The following SHISA6 variants were observed in gnomAD, a reference collection of about 807,000 sequenced individuals.
The protein encoded by SHISA6 is protein shisa-6.
In SHISA6, 22 loss-of-function variants were observed where a neutral mutation model predicts 47.9. The ratio of observed to expected loss-of-function variants is 0.46; its 90% CI spans 0.33 to 0.66. The LOEUF (loss-of-function observed/expected upper bound fraction) is 0.66, where lower values mean the gene tolerates loss of function less well. Among genes scored for constraint, SHISA6 ranks in the 30% least tolerant of loss-of-function variants. The pLI, the probability that SHISA6 is intolerant of heterozygous loss-of-function variation, is 0.02. For synonymous variants in SHISA6, 388 were observed against 337.8 expected (o/e 1.15, Z -1.63); for missense variants, 680 against 764.6 (o/e 0.89, Z 1.30).
chr17:11,401,704 C>T (rs1473501653), intron 3 of SHISA6, among the ~76,000 whole-genome samples: 1 of 152,110 alleles, frequency 6.6e-6, no homozygotes, highest in Non-Finnish European at 1.5e-5. Flanking sequence ...AGTTTATAGC[C>T]GATATGGACA....
intron 3 of SHISA6, among the ~76,000 whole-genome samples, chr17:11,518,377 TTTTGC>T (rs2071602348): frequency 6.6e-6 from 1 of 152,142 alleles, no homozygotes; most frequent in African/African-American, 2.4e-5. Flanking sequence ...ATGATAGTTT[TTTTGC>T]TTTGTTTTGT....
At position 11,241,900 on chromosome 17, in the gene SHISA6, T is replaced by G; in HGVS notation, c.478T>G (p.Ser160Ala). The G allele has an allele frequency of 6.4e-7, 1 of 1,551,002 alleles. No individual in the cohort carries two copies. The highest frequency in any genetic ancestry group is 8.7e-7 in the Non-Finnish European group (1 of 1,146,988). ...ACAGACGCCCAGCACCAAGGTGGTG[T>G]CGCCGGGGCCCGAGAACAAGTACGA... is the stretch of plus-strand genomic sequence containing the variant. ...WVQTPSTKVV[S>A]PGPENKYDPE... Residue 160 changes from serine to alanine, a missense_variant, in exon 1 of 6, where the codon TCG becomes GCG. By Grantham distance (99) the Ser-to-Ala change is moderately conservative. Transcript: ENST00000441885. The surrounding 1 kb of genome is among the most constrained non-coding windows in gnomAD (Gnocchi z 5.5).
At chr17:11,340,800 A>G (rs1035321775) in intron 2 of SHISA6, among the ~76,000 whole-genome samples, 3 of 152,242 alleles carry the variant, frequency 2.0e-5, no homozygotes, top group Non-Finnish European at 4.4e-5. Flanking sequence ...GCACTGAACT[A>G]GAATAGTGGA....
chr17:11,502,357 T>G (rs2071461030), intron 3 of SHISA6, among the ~76,000 whole-genome samples: 2 of 126,898 alleles, frequency 1.6e-5, no homozygotes, highest in African/African-American at 6.2e-5. Flanking sequence ...TGCAGTGAGC[T>G]GAGATCGCGC....
In SHISA6 at chr17:11,555,857, C is replaced by G. The variant is rs936371622; in HGVS notation, c.1070C>G (p.Thr357Ser). The change falls in exon 5 of 6, where the codon ACC becomes AGC. Residue 357 changes from threonine (T) to serine (S), a missense_variant. Thr to Ser is a moderately conservative substitution (Grantham distance 58). Transcript: ENST00000441885. ...LPPSYESAVK[T>S]NPSKYSSLKR... ...CCATCCTACGAGTCTGCAGTAAAGACCAACCCCAGCAAGTATTCATCTCTG... is the reference window on the plus strand; with the variant it reads ...CCATCCTACGAGTCTGCAGTAAAGAGCAACCCCAGCAAGTATTCATCTCTG... 5.0e-5 allele frequency: 78 copies of G among 1,549,418 alleles called. No homozygotes were observed. Among genetic ancestry groups the G allele is most frequent in the Non-Finnish European group, 6.6e-5 (76 of 1,146,290 alleles).
intron 3 of SHISA6, among the ~76,000 whole-genome samples, chr17:11,439,275 T>G (rs1915034924): frequency 6.6e-6 from 1 of 152,168 alleles, no homozygotes. Flanking sequence ...GTCGGAGGAC[T>G]CTGGGTGGGT....
At chr17:11,326,034 G>C (rs1161864160) in intron 2 of SHISA6, among the ~76,000 whole-genome samples, 2 of 152,222 alleles carry the variant, frequency 1.3e-5, no homozygotes, top group African/African-American at 2.4e-5. Flanking sequence ...AGTTTGGGAG[G>C]CCAAGGCCGG....
At chr17:11,358,779 C>A (rs1912162942) in intron 2 of SHISA6, among the ~76,000 whole-genome samples, 2 of 151,596 alleles carry the variant, frequency 1.3e-5, no homozygotes, top group Non-Finnish European at 2.9e-5. Context: ...CCAGGTGATT[C>A]TCCAGCTTCA....
chr17:11,380,249 C>CAAA (rs1202257006), intron 3 of SHISA6: 2 of 152,148 alleles, frequency 1.3e-5, no homozygotes, highest in African/African-American at 2.4e-5. Flanking sequence ...AATGTGAATT[C>CAAA]TGTTGTAGGG....
intron 2 of SHISA6, among the ~76,000 whole-genome samples, chr17:11,327,921 G>GTC (rs111745061): frequency 2.5e-4 from 38 of 149,822 alleles, no homozygotes; most frequent in South Asian, 1.1e-3. Flanking sequence ...CTCTCTCTCT[G>GTC]TCTCTCTCTC....
chr17:11,266,776 G>A (rs191972101), intron 2 of SHISA6, among the ~76,000 whole-genome samples: 2 of 152,340 alleles, frequency 1.3e-5, no homozygotes, highest in African/African-American at 2.4e-5. Context: ...ACCAGGCAGG[G>A]CCCATGGGAT....
intron 2 of SHISA6, among the ~76,000 whole-genome samples, chr17:11,357,934 A>G (rs1194379491): frequency 6.6e-6 from 1 of 152,148 alleles, no homozygotes; most frequent in Non-Finnish European, 1.5e-5. Context: ...GTTAATGTCC[A>G]TGGCCTGGTT....
In SHISA6 at chr17:11,526,804, G is replaced by GTA. The variant is rs113091747; in HGVS notation, c.896-25090_896-25089dup. 7.1e-3 allele frequency among the ~76,000 whole-genome samples: 1,051 copies of GTA among 148,290 alleles called. 17 individuals are homozygous for GTA. The highest frequency in any genetic ancestry group is 0.025 in the African/African-American group (1,015 of 40,058). On this transcript the variant is annotated intron_variant, in intron 3 of 5. Transcript: ENST00000441885. ...AGCTTTTTGTTTTTATAATTATTTT[G>GTA]TATTCATACATATACAATATTTGTA...
chr17:11,459,116 G>C (rs1915632828), intron 3 of SHISA6, among the ~76,000 whole-genome samples: 1 of 150,808 alleles, frequency 6.6e-6, no homozygotes, highest in South Asian at 2.1e-4. Flanking sequence ...CTACTCGGGA[G>C]ACTGAGGCAG....
At chr17:11,326,562 T>C (rs1435100214) in intron 2 of SHISA6, among the ~76,000 whole-genome samples, 2 of 152,236 alleles carry the variant, frequency 1.3e-5, no homozygotes, top group Non-Finnish European at 2.9e-5. Context: ...CCATTCATAA[T>C]GACATGGCAC....
At chr17:11,267,933 C>T (rs1908487333) in intron 2 of SHISA6, among the ~76,000 whole-genome samples, 2 of 152,120 alleles carry the variant, frequency 1.3e-5, no homozygotes. Flanking sequence ...CCTAGCGTTG[C>T]AGTTCCCTGA....
intron 2 of SHISA6, among the ~76,000 whole-genome samples, chr17:11,358,712 G>A (rs1459269583): frequency 6.7e-6 from 1 of 149,852 alleles, no homozygotes; most frequent in Non-Finnish European, 1.5e-5. Flanking sequence ...TGTCCAGGCT[G>A]GAGTGCAGTG....
At chr17:11,243,632 G>T (rs1190140993) in intron 1 of SHISA6, among the ~76,000 whole-genome samples, 1 of 152,170 alleles carries the variant, frequency 6.6e-6, no homozygotes, top group Non-Finnish European at 1.5e-5. Context: ...GTCTGGCAAA[G>T]AATTTTCTGT....
intron 3 of SHISA6, among the ~76,000 whole-genome samples, chr17:11,523,153 T>C (rs2071644784): frequency 6.6e-6 from 1 of 152,156 alleles, no homozygotes; most frequent in Non-Finnish European, 1.5e-5. Context: ...CAACTAAGCC[T>C]CTTGGTTAAC....
Sources: gnomAD v4.1 joint callset for allele counts (sites outside exome capture counted in the v4.1 genomes callset) on GRCh38, gnomAD v4.1.1 for gene constraint, Gnocchi (gnomAD v3.1) non-coding constraint, MANE v1.5 for transcripts, NCBI Gene and HGNC (gene_info 2026-07-23, HGNC 2026-07-21) for gene names.